Variants in CDKL1 observed in about 807,000 individuals in gnomAD.
CDKL1 encodes cyclin dependent kinase like 1.
A neutral mutation model predicts 42.0 loss-of-function variants in CDKL1; 41 were observed. The ratio of observed to expected loss-of-function variants is 0.98; its 90% confidence interval spans 0.76 to 1.27. The LOEUF is 1.27. Ranked by LOEUF, CDKL1 falls within the 50% of genes most tolerant of loss-of-function variation. CDKL1 has a pLI of 0.00. For synonymous variants in CDKL1, 153 were observed against 158.6 expected, an observed-to-expected ratio of 0.96 and a Z score of 0.26; for missense variants, 394 against 428.4, an observed-to-expected ratio of 0.92 and a Z score of 0.71.
At chr14:50,385,453 A>G (rs2035048160) in intron 2 of CDKL1, among the ~76,000 whole-genome samples, 1 of 152,220 alleles carries the variant, frequency 6.6e-6, no homozygotes, top group Non-Finnish European at 1.5e-5. Flanking sequence ...GTTTCATGAA[A>G]GATGAAATAA....
chr14:50,369,899 G>A (rs887921211), intron 2 of CDKL1, among the ~76,000 whole-genome samples: 2 of 152,126 alleles, frequency 1.3e-5, no homozygotes, highest in African/African-American at 2.4e-5. Context: ...GATTACAGGC[G>A]TGAGCCACCA....
intron 2 of CDKL1, among the ~76,000 whole-genome samples, chr14:50,386,383 A>ACAG (rs746499825): frequency 3.0e-4 from 46 of 152,348 alleles, no homozygotes; most frequent in Non-Finnish European, 5.1e-4. Flanking sequence ...ACAGTGAGCC[A>ACAG]TGACTGTGCC....
chr14:50,395,648 CAG>C (rs2139563068), intron 2 of CDKL1, 51 bp downstream of exon 2: 1 of 1,260,528 alleles, frequency 7.9e-7, no homozygotes, highest in African/African-American at 1.5e-5. Context: ...GCCTGGGAGA[CAG>C]AGTGAAACCC....
At chr14:50,366,826 G>T (rs1226647563) in intron 2 of CDKL1, among the ~76,000 whole-genome samples, 3 of 152,164 alleles carry the variant, frequency 2.0e-5, no homozygotes, top group African/African-American at 7.2e-5. Flanking sequence ...TGACACAAAG[G>T]TTTACACACT....
rs1595257835 is a variant in CDKL1 at position 50,335,586 on chromosome 14, T to G, written c.739-965A>C. On this transcript the variant is annotated intron_variant, in intron 7 of 9. Transcript: ENST00000395834. ...CTATAAATGGGAGGAATGCCGAATG[T>G]CAGGCAGACAAACAGGCCAGTTAAA... is the stretch of plus-strand genomic sequence containing the variant. 2.6e-6 allele frequency: 4 copies of G among 1,535,092 alleles called. No individual in the cohort carries two copies. The African/African-American group carries it at 5.5e-5, about 21-fold the overall frequency.
intron 2 of CDKL1, chr14:50,363,002 A>C (rs1392293087): frequency 2.2e-6 from 1 of 461,058 alleles, no homozygotes; most frequent in African/African-American, 2.0e-5. Flanking sequence ...AAAGGGCTGC[A>C]GCTTCACTCT....
chr14:50,362,923 C>T (rs1277107855), intron 2 of CDKL1: 2 of 459,474 alleles, frequency 4.4e-6, no homozygotes, highest in South Asian at 3.1e-5. Flanking sequence ...AAGCTTTGTT[C>T]TTTCACTCTT....
chr14:50,385,803 CA>C (rs4027866), intron 2 of CDKL1, among the ~76,000 whole-genome samples: 2,633 of 77,516 alleles, frequency 0.034, 31 homozygotes, highest in African/African-American at 0.096. Flanking sequence ...GACTCCGTCC[CA>C]AAAAAAAAAA....
At chr14:50,395,407 G>T (rs1228950780) in intron 2 of CDKL1, among the ~76,000 whole-genome samples, 1 of 152,216 alleles carries the variant, frequency 6.6e-6, no homozygotes, top group East Asian at 1.9e-4. Flanking sequence ...TTGTGTCACT[G>T]AAGTCAAAAG....
At chr14:50,331,984 C>T (rs1157123770) in intron 9 of CDKL1, 1 of 1,490,994 alleles carries the variant, frequency 6.7e-7, no homozygotes, top group South Asian at 1.3e-5. Context: ...TAGCTGGACT[C>T]ATACTCATGT....
At chr14:50,334,308 C>T in intron 8 of CDKL1, 1 of 311,942 alleles carries the variant, frequency 3.2e-6, no homozygotes, top group Non-Finnish European at 5.9e-6. Flanking sequence ...AGGCGAGCGC[C>T]ACCACGCCTA....
At chr14:50,360,752 C>T (rs1304617206) in intron 2 of CDKL1, among the ~76,000 whole-genome samples, 1 of 150,604 alleles carries the variant, frequency 6.6e-6, no homozygotes, top group African/African-American at 2.5e-5. Context: ...TGACTAGGTA[C>T]CTCCTACAGG....
chr14:50,334,537 C>G (rs746511334), intron 8 of CDKL1, 28 bp downstream of exon 8: 38 of 1,365,076 alleles, frequency 2.8e-5, no homozygotes, highest in Non-Finnish European at 4.0e-5. Context: ...TGTGTGCTTC[C>G]TGGTCTGTTG....
At chr14:50,382,724 G>A (rs1271373531) in intron 2 of CDKL1, among the ~76,000 whole-genome samples, 1 of 151,976 alleles carries the variant, frequency 6.6e-6, no homozygotes, top group East Asian at 1.9e-4. Flanking sequence ...CTCCTGAATA[G>A]CTGGGACCAC....
At chr14:50,342,059 G>A in intron 5 of CDKL1, 73 bp downstream of exon 5, 7 of 1,155,964 alleles carry the variant, frequency 6.1e-6, no homozygotes, top group South Asian at 2.5e-5. Context: ...TACTTCTAGA[G>A]CATTTAGATC....
chr14:50,343,177 G>C (rs2226054), intron 4 of CDKL1: 271,450 of 400,324 alleles, frequency 0.68, 95,036 homozygotes, highest in East Asian at 0.79. Flanking sequence ...TTTTTTTTGA[G>C]TTGGGTCAAA....
At chr14:50,377,456 T>C (rs1359139364) in intron 2 of CDKL1, 1 of 544,970 alleles carries the variant, frequency 1.8e-6, no homozygotes, top group South Asian at 5.2e-5. Context: ...CTCTCTGGTA[T>C]CACTTCCCAA....
Position 50,359,167 on chromosome 14 carries a change from C to A in CDKL1, c.169-18G>T. On this transcript the variant is annotated intron_variant, in intron 2 of 9. Coordinates refer to ENST00000395834, the MANE Select transcript of CDKL1 (RefSeq NM_004196.7). Reference sequence around the variant, plus strand: ...TTGAGTTGCTGAAAACACAAAAAAACAAGTTACTAAATTTGACTTGTGAAA... The same window carrying A: ...TTGAGTTGCTGAAAACACAAAAAAAAAAGTTACTAAATTTGACTTGTGAAA... 6.3e-7 allele frequency: 1 copy of A among 1,591,724 alleles called. No individual in the cohort carries two copies. Among genetic ancestry groups the A allele is most frequent in the Non-Finnish European group, 8.6e-7 (1 of 1,165,346 alleles).
chr14:50,380,802 C>CTTTTTTTTTTTTTTTTTTTTTTTTT (rs1555344287), intron 2 of CDKL1, among the ~76,000 whole-genome samples: 1 of 134,604 alleles, frequency 7.4e-6, no homozygotes, highest in Non-Finnish European at 1.6e-5. Flanking sequence ...CTGTGACTTC[C>CTTTTTTTTTTTTTTTTTTTTTTTTT]TTTTTTTTTT....
Sources: allele counts gnomAD v4.1 joint callset (sites outside exome capture counted in the v4.1 genomes callset), GRCh38; gene constraint gnomAD v4.1.1; transcripts MANE v1.5; gene names NCBI Gene and HGNC (gene_info 2026-07-23, HGNC 2026-07-21).